The following DYNC2H1 variants were observed in gnomAD, a reference collection of about 807,000 sequenced individuals.
DYNC2H1 encodes dynein cytoplasmic 2 heavy chain 1, also known as cytoplasmic dynein 2 heavy chain 1.
In DYNC2H1, 410 loss-of-function variants were observed where a neutral mutation model predicts 570.0. That is an observed-to-expected ratio of 0.72 (90% CI 0.66 to 0.78). The LOEUF is 0.78. Among genes scored for constraint, DYNC2H1 ranks in the 30% least tolerant of loss-of-function variants. DYNC2H1 has a pLI of 0.00. For synonymous variants in DYNC2H1, 1,688 were observed against 1,677.6 expected, an observed-to-expected ratio of 1.01 and a Z score of -0.15; for missense variants, 4,865 against 5,046.4, an observed-to-expected ratio of 0.96 and a Z score of 1.09.
At chr11:103,335,545 A>G (rs1939073924) in intron 82 of DYNC2H1, among the ~76,000 whole-genome samples, 1 of 152,092 alleles carries the variant, frequency 6.6e-6, no homozygotes, top group South Asian at 2.1e-4. Flanking sequence ...TTTAAATGGG[A>G]ACCTGTACAA....
At position 103,234,015 on chromosome 11, in the gene DYNC2H1, A is replaced by T. The variant is rs750936629; in HGVS notation, c.9441-19A>T. On this transcript the variant is annotated intron_variant, in intron 60 of 88. Coordinates refer to ENST00000375735, the MANE Select transcript of DYNC2H1 (RefSeq NM_001377.3). ...CCCAAATCCTTTTTGCTTTTAATTA[A>T]ATTTTAATGTTTACATAGATTTCAG... The T allele has an allele frequency of 6.5e-7, 1 of 1,542,186 alleles. No homozygotes were observed. Among genetic ancestry groups the T allele is most frequent in the Non-Finnish European group, 8.7e-7 (1 of 1,143,230 alleles).
intron 84 of DYNC2H1, among the ~76,000 whole-genome samples, chr11:103,400,740 G>A (rs1942604230): frequency 6.6e-6 from 1 of 151,296 alleles, no homozygotes; most frequent in African/African-American, 2.4e-5. Flanking sequence ...CTCTCTGTTT[G>A]AATATAAAAT....
chr11:103,452,592 C>A (rs932887448), intron 85 of DYNC2H1, among the ~76,000 whole-genome samples: 1 of 150,214 alleles, frequency 6.7e-6, no homozygotes, highest in Non-Finnish European at 1.5e-5. Context: ...TCTGAACTCT[C>A]GCCTATGTAA....
intron 82 of DYNC2H1, among the ~76,000 whole-genome samples, chr11:103,344,380 T>G (rs917810487): frequency 1.3e-5 from 2 of 152,228 alleles, no homozygotes; most frequent in Admixed American, 6.5e-5. Context: ...ATAAATGCAT[T>G]CATTACAAAG....
intron 47 of DYNC2H1, among the ~76,000 whole-genome samples, chr11:103,194,768 A>G (rs2135062183): frequency 6.6e-6 from 1 of 152,066 alleles, no homozygotes; most frequent in Non-Finnish European, 1.5e-5. Context: ...CCCAGGCTGG[A>G]GTGCAGTGGT....
In DYNC2H1 at chr11:103,199,182, A is replaced by C. The variant is rs1862618315; in HGVS notation, c.7840-46A>C. On this transcript the variant is annotated intron_variant, in intron 48 of 88. Coordinates refer to ENST00000375735, the MANE Select transcript of DYNC2H1 (RefSeq NM_001377.3). The surrounding 1 kb of genome is among the most constrained non-coding windows in gnomAD (Gnocchi z 4.6). Reference sequence around the variant, plus strand: ...TAGGTAAGTAACATTTTTATTATGTAATTAGGGCTTATATTAATTATAAAA... The same window carrying C: ...TAGGTAAGTAACATTTTTATTATGTCATTAGGGCTTATATTAATTATAAAA... The C allele has an allele frequency of 7.6e-7, 1 of 1,318,092 alleles. No homozygotes were observed. Among genetic ancestry groups the C allele is most frequent in the Non-Finnish European group, 1.0e-6 (1 of 980,242 alleles). The allele number at this position is 1,318,092 out of a possible 1,614,324, so 81.6% of individuals were successfully genotyped here. A position where few individuals can be genotyped will look rare whatever the true frequency, so the allele number is the denominator to read the frequency against.
chr11:103,241,414 G>A lies in DYNC2H1; in HGVS notation c.9820-2279G>A, dbSNP rs529798086. The A allele has an allele frequency of 4.0e-5, 35 of 880,954 alleles. No homozygotes were observed. The highest frequency in any genetic ancestry group is 1.9e-4 in the African/African-American group (11 of 59,010). 54.6% of individuals were successfully genotyped at this position (880,954 alleles called of 1,614,324 possible). A position where few individuals can be genotyped will look rare whatever the true frequency, so the allele number is the denominator to read the frequency against. ...ATCTTATCTAAATCTGTCTGGAGAC[G>A]TAAAATAAGATGACAACAAACTTTT... On this transcript the variant is annotated intron_variant, in intron 63 of 88. Coordinates refer to ENST00000375735, the MANE Select transcript of DYNC2H1 (RefSeq NM_001377.3). The surrounding 1 kb of genome is among the most constrained non-coding windows in gnomAD (Gnocchi z 5.1).
At chr11:103,258,144 G>A (rs1336616967) in intron 69 of DYNC2H1, among the ~76,000 whole-genome samples, 2 of 152,128 alleles carry the variant, frequency 1.3e-5, no homozygotes, top group African/African-American at 4.8e-5. Flanking sequence ...AGATAATGGA[G>A]GTACACTTGT....
At position 103,158,678 on chromosome 11, in the gene DYNC2H1, TC is replaced by T; in HGVS notation, c.4130del (p.Ser1377Ter). ...AAGATACTTTTTTTTCTTTTGTAGA[TC>T]AATAATGACTGATATCAAGAAAGAC... ...RFNRVDEDFR[S>X]IMTDIKKDNR... On this transcript the variant is annotated frameshift_variant and splice_region_variant, in exon 27 of 89. Coordinates refer to ENST00000375735, the MANE Select transcript of DYNC2H1 (RefSeq NM_001377.3). LOFTEE classifies it high-confidence loss of function. 1 of 1,524,074 alleles carries T rather than the reference TC, an allele frequency of 6.6e-7. No homozygotes were observed. Among genetic ancestry groups the T allele is most frequent in the Non-Finnish European group, 8.8e-7 (1 of 1,133,954 alleles). 94.4% of individuals were successfully genotyped at this position (1,524,074 alleles called of 1,614,324 possible).
At chr11:103,306,667 T>G (rs920180292) in intron 77 of DYNC2H1, among the ~76,000 whole-genome samples, 1 of 152,302 alleles carries the variant, frequency 6.6e-6, no homozygotes, top group South Asian at 2.1e-4. Context: ...TGTCATTTTT[T>G]TGTCATCTTA....
intron 83 of DYNC2H1, among the ~76,000 whole-genome samples, chr11:103,386,102 G>A (rs78415920): frequency 7.2e-5 from 11 of 152,276 alleles, no homozygotes; most frequent in South Asian, 6.2e-4. Context: ...TTCTGAACTC[G>A]TAGTTACATT....
At chr11:103,210,859 C>A (rs1325338156) in intron 53 of DYNC2H1, among the ~76,000 whole-genome samples, 1 of 152,008 alleles carries the variant, frequency 6.6e-6, no homozygotes, top group Non-Finnish European at 1.5e-5. Flanking sequence ...GAAGAGCTTT[C>A]TGCATTATGC....
At chr11:103,219,407 T>C (rs1199537085) in intron 55 of DYNC2H1, among the ~76,000 whole-genome samples, 1 of 151,968 alleles carries the variant, frequency 6.6e-6, no homozygotes, top group Non-Finnish European at 1.5e-5. Flanking sequence ...AGGTCAGGAG[T>C]TTGAGACCAG....
intron 83 of DYNC2H1, among the ~76,000 whole-genome samples, chr11:103,390,965 A>G (rs1453479646): frequency 1.3e-5 from 2 of 152,016 alleles, no homozygotes; most frequent in African/African-American, 2.4e-5. Flanking sequence ...GAATCTGACA[A>G]TTATGTGTTT....
chr11:103,327,004 G>T (rs1938529613), intron 82 of DYNC2H1, among the ~76,000 whole-genome samples: 4 of 152,194 alleles, frequency 2.6e-5, no homozygotes, highest in African/African-American at 9.6e-5. Flanking sequence ...GCTGAGCTAG[G>T]ATTCCATAGG....
At position 103,399,846 on chromosome 11, in the gene DYNC2H1, T is replaced by C. The variant is rs370439175; in HGVS notation, c.12340T>C (p.Leu4114=). ...TTTACTGAGTTCAGAAGTACAAAAATTGGCAAGTGCTTTATTAAACCAAAA... is the reference window on the plus strand; with the variant it reads ...TTTACTGAGTTCAGAAGTACAAAAACTGGCAAGTGCTTTATTAAACCAAAA... The part of the protein sequence containing the change: ...TTLLSSEVQK[L]ASALLNQKCP... Residue 4114 remains leucine, a synonymous_variant, in exon 84 of 89, where the codon TTG becomes CTG. Transcript: ENST00000375735. 3.0e-5 allele frequency: 48 copies of C among 1,613,712 alleles called. No individual in the cohort carries two copies. In the African/African-American group the frequency reaches 5.2e-4, roughly 17 times the overall value.
intron 52 of DYNC2H1, among the ~76,000 whole-genome samples, chr11:103,208,014 G>T (rs1319722672): frequency 6.6e-6 from 1 of 152,128 alleles, no homozygotes; most frequent in East Asian, 1.9e-4. Context: ...GGATTTTGAT[G>T]TTGGAAGGGA....
rs751432591 is a variant in DYNC2H1, at chr11:103,135,942, A to G, written c.2568A>G (p.Gln856=). The change falls in exon 17 of 89, where the codon CAA becomes CAG. Residue 856 remains glutamine, a synonymous_variant. Transcript: ENST00000375735. ...LFRRLSAVLH[Q]HKEWIVIGQV... ...GAAGATTGTCAGCTGTTTTACACCA[A>G]CATAAGGTATAGAACATGTAATGTT... 49 of 1,602,262 alleles carry G rather than the reference A, an allele frequency of 3.1e-5. 1 individual carries two copies. The South Asian group carries it at 5.3e-4, about 17-fold the overall frequency.
chr11:103,123,869 G>A (rs1476787480), intron 11 of DYNC2H1, among the ~76,000 whole-genome samples: 1 of 151,306 alleles, frequency 6.6e-6, no homozygotes. Flanking sequence ...AGAATCATCA[G>A]TGTGTTTTTG....
Sources: gnomAD v4.1 joint callset for allele counts (sites outside exome capture counted in the v4.1 genomes callset) on GRCh38, gnomAD v4.1.1 for gene constraint, Gnocchi (gnomAD v3.1) non-coding constraint, MANE v1.5 for transcripts, NCBI Gene and HGNC (gene_info 2026-07-23, HGNC 2026-07-21) for gene names.